The following GALE variants were observed in gnomAD, a reference collection of about 807,000 sequenced individuals.
GALE encodes the protein UDP-galactose-4-epimerase.
GALE carries 32 observed loss-of-function variants against 44.1 expected under a neutral mutation model. The ratio of observed to expected loss-of-function variants is 0.73; its 90% CI spans 0.55 to 0.97. The LOEUF is 0.97. Ranked by LOEUF, GALE falls within the 50% of genes least tolerant of loss-of-function variation. The pLI, the probability that GALE is intolerant of heterozygous loss-of-function variation, is 0.00. For missense variants in GALE, 423 were observed against 455.6 expected, an observed-to-expected ratio of 0.93 and a Z score of 0.65; for synonymous variants, 182 against 183.5, an observed-to-expected ratio of 0.99 and a Z score of 0.06.
At chr1:23,797,627 G>T in intron 6 of GALE, 68 bp downstream of exon 6, 1 of 1,479,898 alleles carries the variant, frequency 6.8e-7, no homozygotes. Flanking sequence ...TCCCACCCCT[G>T]GGCTCAGGGT....
In GALE at chr1:23,798,290, A is replaced by AGCCT; in HGVS notation, c.238-64_238-61dup. 1.6e-6 allele frequency: 2 copies of AGCCT among 1,214,530 alleles called. No homozygotes were observed. Among genetic ancestry groups the AGCCT allele is most frequent in the South Asian group, 1.2e-5 (1 of 82,916 alleles). 75.2% of individuals were successfully genotyped at this position (1,214,530 alleles called of 1,614,324 possible). A position where few individuals can be genotyped will look rare whatever the true frequency, so the allele number is the denominator to read the frequency against. ...GGTTTTAGTCCTTGGCAATGCCCTC[A>AGCCT]GCCTGCCTGCCTGCACTCACCTTTT... On this transcript the variant is annotated intron_variant, in intron 4 of 11. Transcript: ENST00000617979. The surrounding 1 kb of genome is among the most constrained non-coding windows in gnomAD (Gnocchi z 4.5).
At position 23,796,351 on chromosome 1, in the gene GALE, C is replaced by G; in HGVS notation, c.874-86G>C. The G allele has an allele frequency of 6.8e-7, 1 of 1,468,990 alleles. No individual in the cohort carries two copies. The highest frequency in any genetic ancestry group is 9.5e-7 in the Non-Finnish European group (1 of 1,050,116). The allele number at this position is 1,468,990 out of a possible 1,614,324, so 91.0% of individuals were successfully genotyped here. A position where few individuals can be genotyped will look rare whatever the true frequency, so the allele number is the denominator to read the frequency against. On this transcript the variant is annotated intron_variant, in intron 10 of 11. Transcript: ENST00000617979. The surrounding 1 kb of genome is among the most constrained non-coding windows in gnomAD (Gnocchi z 5.2). ...GTCTTTAAGAAGCAGAAGTGCAGAG[C>G]AGCGGCTGGCCCGCAGGCACCGGGT...
Position 23,795,614 on chromosome 1 carries a change from CTTG to C in GALE, c.*332_*334del, listed in dbSNP as rs989145746. 3 of 439,444 alleles carry C rather than the reference CTTG, an allele frequency of 6.8e-6. No homozygotes were observed. The highest frequency in any genetic ancestry group is 1.2e-5 in the Non-Finnish European group (3 of 242,270). The allele number at this position is 439,444 out of a possible 1,614,324, so 27.2% of individuals were successfully genotyped here. Reference sequence around the variant, plus strand: ...GAGAACCTGCCCCAGTGTAAGAAAACTTGTTTTTATTTTTAAATACTTTGGAAA... The same window carrying C: ...GAGAACCTGCCCCAGTGTAAGAAAACTTTTTATTTTTAAATACTTTGGAAA... On this transcript the variant is annotated 3_prime_UTR_variant, in exon 12 of 12. Transcript: ENST00000617979.
In GALE at chr1:23,797,746, C is replaced by T. The variant is rs775244681; in HGVS notation, c.477G>A (p.Lys159=). ...PTGGCTNPYG[K]SKFFIEEMIR... is the part of the protein sequence containing the mutation. ...TCATTTCCTCGATGAAGAACTTGGACTTGCCGTAAGGGTTGGTACAACCAC... is the reference window on the plus strand; with the variant it reads ...TCATTTCCTCGATGAAGAACTTGGATTTGCCGTAAGGGTTGGTACAACCAC... The change falls in exon 6 of 12, where the codon AAG becomes AAA. Residue 159 remains lysine (K), a synonymous_variant. Coordinates refer to ENST00000617979, the MANE Select transcript of GALE (RefSeq NM_001008216.2). 1.2e-5 allele frequency: 20 copies of T among 1,614,038 alleles called. No homozygotes were observed. The South Asian group carries it at 1.8e-4, about 14-fold the overall frequency.
At chr1:23,799,274 C>T (rs768821453) in intron 2 of GALE, 92 bp downstream of exon 2, 1 of 503,318 alleles carries the variant, frequency 2.0e-6, no homozygotes, top group Non-Finnish European at 3.6e-6. Flanking sequence ...CATGAGGCAG[C>T]GTGAGGGTTC....
At position 23,798,757 on chromosome 1, in the gene GALE, A is replaced by G; in HGVS notation, c.122-27T>C. ...TGGTAGGGTACATGTAGGCCACATC[A>G]TCACGACATGGGGTGCTGTGTTCCC... On this transcript the variant is annotated intron_variant, in intron 3 of 11. Coordinates refer to ENST00000617979, the MANE Select transcript of GALE (RefSeq NM_001008216.2). This position sits in a 1 kb window ranked among gnomAD's most constrained non-coding sequence, Gnocchi z 4.5. The G allele has an allele frequency of 5.0e-6, 8 of 1,609,268 alleles. No homozygotes were observed. Among genetic ancestry groups the G allele is most frequent in the Non-Finnish European group, 6.8e-6 (8 of 1,175,510 alleles).
rs1639051867 is a variant in GALE, at chr1:23,798,969, G to A, written c.39C>T (p.Tyr13=). Residue 13 remains tyrosine, a synonymous_variant, in exon 3 of 12, where the codon TAC becomes TAT. Coordinates refer to ENST00000617979, the MANE Select transcript of GALE (RefSeq NM_001008216.2). This position sits in a 1 kb window ranked among gnomAD's most constrained non-coding sequence, Gnocchi z 4.5. The stretch of plus-strand genomic sequence containing the variant: ...GCTCCAGCACCGTGTGGCTGCCAAT[G>A]TAGCCAGCCCCACCTGTTACCAGCA... The part of the protein sequence containing the change: ...EKVLVTGGAG[Y]IGSHTVLELL... 6.2e-7 allele frequency: 1 copy of A among 1,614,080 alleles called. No homozygotes were observed. The highest frequency in any genetic ancestry group is 1.7e-5 in the Admixed American group (1 of 60,008).
chr1:23,798,678 G>A lies in GALE; in HGVS notation c.174C>T (p.Arg58=), dbSNP rs1300967960. ...SLRRVQELTG[R]SVEFEEMDIL... is the part of the protein sequence containing the mutation. ...TGTCCATCTCCTCAAACTCCACAGA[G>A]CGGCCTGTCAGCTCCTGGACCCGCC... The change falls in exon 4 of 12, where the codon CGC becomes CGT. Residue 58 remains arginine (R), a synonymous_variant. Transcript: ENST00000617979. This position sits in a 1 kb window ranked among gnomAD's most constrained non-coding sequence, Gnocchi z 4.5. 1.2e-6 allele frequency: 2 copies of A among 1,613,848 alleles called. No homozygotes were observed.
Position 23,797,162 on chromosome 1 carries a change from T to C in GALE, c.529-15A>G. On this transcript the variant is annotated splice_polypyrimidine_tract_variant and intron_variant, in intron 6 of 11. Transcript: ENST00000617979. ...GCGTTCCAAGTCTGTGGGATGTGGGTCAGGTGGTGAGGCCAGAGGCACAGG... is the reference window on the plus strand; with the variant it reads ...GCGTTCCAAGTCTGTGGGATGTGGGCCAGGTGGTGAGGCCAGAGGCACAGG... The C allele has an allele frequency of 6.3e-7, 1 of 1,582,712 alleles. No homozygotes were observed.
At chr1:23,797,660 C>A (rs1002447220) in intron 6 of GALE, 35 bp downstream of exon 6, 4 of 1,605,518 alleles carry the variant, frequency 2.5e-6, no homozygotes, top group South Asian at 1.1e-5. Context: ...GTCCATCGAT[C>A]AGTGGAGCCA....
Position 23,798,162 on chromosome 1 carries a change from C to T in GALE, c.306G>A (p.Leu102=). The change falls in exon 5 of 12, where the codon CTG becomes CTA. Residue 102 remains leucine, a synonymous_variant. Transcript: ENST00000617979. This position sits in a 1 kb window ranked among gnomAD's most constrained non-coding sequence, Gnocchi z 4.5. Reference sequence around the variant, plus strand: ...CGGTCAGGTTAACTCTGTAATAATCCAGAGGCTTCTGCACCGACTCGCCCA... The same window carrying T: ...CGGTCAGGTTAACTCTGTAATAATCTAGAGGCTTCTGCACCGACTCGCCCA... ...KAVGESVQKP[L]DYYRVNLTGT... is the part of the protein sequence containing the mutation. 6.2e-7 allele frequency: 1 copy of T among 1,614,142 alleles called. No homozygotes were observed. Among genetic ancestry groups the T allele is most frequent in the Non-Finnish European group, 8.5e-7 (1 of 1,180,010 alleles).
Position 23,796,005 on chromosome 1 carries a change from C to T in GALE, c.991G>A (p.Glu331Lys). Residue 331 changes from glutamate to lysine, a missense_variant and splice_region_variant, in exon 12 of 12, where the codon GAG becomes AAG. Transcript: ENST00000617979. The surrounding 1 kb of genome is among the most constrained non-coding windows in gnomAD (Gnocchi z 5.2). ...TAALGLDRMC[E>K]DLWRWQKQNP... ...TGCTTCTGCCAGCGCCAGAGATCCT[C>T]ACCTGCAACACGGCGAGGTGTGTGC... The T allele has an allele frequency of 6.2e-7, 1 of 1,614,056 alleles. No homozygotes were observed. The highest frequency in any genetic ancestry group is 8.5e-7 in the Non-Finnish European group (1 of 1,179,982).
In GALE at chr1:23,796,534, G is replaced by T; in HGVS notation, c.848C>A (p.Ala283Asp). Residue 283 changes from alanine to aspartate, a missense_variant, in exon 10 of 12, where the codon GCT becomes GAT. Transcript: ENST00000617979. This position sits in a 1 kb window ranked among gnomAD's most constrained non-coding sequence, Gnocchi z 5.2. ...TGYSVLQMVQ[A>D]MEKASGKKIP... ...CTTCTTCCCAGAGGCCTTCTCCATAGCCTGGACCATCTGCAGCACTGAATA... is the reference window on the plus strand; with the variant it reads ...CTTCTTCCCAGAGGCCTTCTCCATATCCTGGACCATCTGCAGCACTGAATA... The T allele has an allele frequency of 1.9e-6, 3 of 1,613,834 alleles. No homozygotes were observed. Among genetic ancestry groups the T allele is most frequent in the Non-Finnish European group, 2.5e-6 (3 of 1,180,012 alleles).
Position 23,796,516 on chromosome 1 carries a change from C to G in GALE, c.866G>C (p.Gly289Ala). Reference sequence around the variant, plus strand: ...TGGGGCGGGGGGGCCTACCTTCTTCCCAGAGGCCTTCTCCATAGCCTGGAC... The same window carrying G: ...TGGGGCGGGGGGGCCTACCTTCTTCGCAGAGGCCTTCTCCATAGCCTGGAC... ...QMVQAMEKASGKKIPYKVVAR... is the reference protein window; with the variant it reads ...QMVQAMEKASAKKIPYKVVAR... The change falls in exon 10 of 12, where the codon GGG (glycine) becomes GCG (alanine). Residue 289 changes from glycine to alanine, a missense_variant. Gly to Ala is a moderately conservative substitution (Grantham distance 60). Transcript: ENST00000617979. This position sits in a 1 kb window ranked among gnomAD's most constrained non-coding sequence, Gnocchi z 5.2. 1 of 1,612,952 alleles carries G rather than the reference C, an allele frequency of 6.2e-7. No individual in the cohort carries two copies. The highest frequency in any genetic ancestry group is 8.5e-7 in the Non-Finnish European group (1 of 1,179,988).
chr1:23,796,020 G>A lies in GALE; in HGVS notation c.989-13C>T, dbSNP rs199622680. On this transcript the variant is annotated splice_polypyrimidine_tract_variant and intron_variant, in intron 11 of 11. Transcript: ENST00000617979. The surrounding 1 kb of genome is among the most constrained non-coding windows in gnomAD (Gnocchi z 5.2). Reference sequence around the variant, plus strand: ...CAGAGATCCTCACCTGCAACACGGCGAGGTGTGTGCTCAGGGCCCACGGTG... The same window carrying A: ...CAGAGATCCTCACCTGCAACACGGCAAGGTGTGTGCTCAGGGCCCACGGTG... 1.4e-4 allele frequency: 222 copies of A among 1,613,726 alleles called. 1 individual carries two copies. The East Asian group carries it at 1.8e-3, about 13-fold the overall frequency.
Position 23,796,023 on chromosome 1 carries a change from GT to G in GALE, c.989-17del, listed in dbSNP as rs2148408839. On this transcript the variant is annotated splice_polypyrimidine_tract_variant and intron_variant, in intron 11 of 11. Coordinates refer to ENST00000617979, the MANE Select transcript of GALE (RefSeq NM_001008216.2). The surrounding 1 kb of genome is among the most constrained non-coding windows in gnomAD (Gnocchi z 5.2). ...AGATCCTCACCTGCAACACGGCGAG[GT>G]GTGTGCTCAGGGCCCACGGTGGAAT... 6.2e-7 allele frequency: 1 copy of G among 1,613,812 alleles called. No homozygotes were observed. Among genetic ancestry groups the G allele is most frequent in the South Asian group, 1.1e-5 (1 of 91,022 alleles).
chr1:23,796,360 G>C lies in GALE; in HGVS notation c.874-95C>G. 1 of 1,444,826 alleles carries C rather than the reference G, an allele frequency of 6.9e-7. No individual in the cohort carries two copies. Among genetic ancestry groups the C allele is most frequent in the South Asian group, 1.1e-5 (1 of 87,022 alleles). The allele number at this position is 1,444,826 out of a possible 1,614,324, so 89.5% of individuals were successfully genotyped here. ...AAGCAGAAGTGCAGAGCAGCGGCTGGCCCGCAGGCACCGGGTGCTAGGCAG... is the reference window on the plus strand; with the variant it reads ...AAGCAGAAGTGCAGAGCAGCGGCTGCCCCGCAGGCACCGGGTGCTAGGCAG... On this transcript the variant is annotated intron_variant, in intron 10 of 11. Coordinates refer to ENST00000617979, the MANE Select transcript of GALE (RefSeq NM_001008216.2). The surrounding 1 kb of genome is among the most constrained non-coding windows in gnomAD (Gnocchi z 5.2).
In GALE at chr1:23,796,450, C is replaced by T. The variant is rs961681531; in HGVS notation, c.873+59G>A. 2 of 1,291,412 alleles carry T rather than the reference C, an allele frequency of 1.5e-6. No individual in the cohort carries two copies. The highest frequency in any genetic ancestry group is 4.6e-5 in the East Asian group (1 of 21,782). The allele number at this position is 1,291,412 out of a possible 1,614,324, so 80.0% of individuals were successfully genotyped here. A position where few individuals can be genotyped will look rare whatever the true frequency, so the allele number is the denominator to read the frequency against. On this transcript the variant is annotated intron_variant, in intron 10 of 11. Coordinates refer to ENST00000617979, the MANE Select transcript of GALE (RefSeq NM_001008216.2). This position sits in a 1 kb window ranked among gnomAD's most constrained non-coding sequence, Gnocchi z 5.2. ...GTGAGTGGGAAGGGCCAAAGCTGCT[C>T]TGTTGCTGAGAGCTGGGTGGGGTGA...
In GALE at chr1:23,798,302, T is replaced by C; in HGVS notation, c.238-72A>G. On this transcript the variant is annotated intron_variant, in intron 4 of 11. Transcript: ENST00000617979. This position sits in a 1 kb window ranked among gnomAD's most constrained non-coding sequence, Gnocchi z 4.5. ...TGGCAATGCCCTCAGCCTGCCTGCC[T>C]GCACTCACCTTTTTTTTTTTTTTTG... 1.9e-6 allele frequency: 2 copies of C among 1,032,582 alleles called. No individual in the cohort carries two copies. The highest frequency in any genetic ancestry group is 2.9e-6 in the Non-Finnish European group (2 of 681,696). 64.0% of individuals were successfully genotyped at this position (1,032,582 alleles called of 1,614,324 possible). A position where few individuals can be genotyped will look rare whatever the true frequency, so the allele number is the denominator to read the frequency against.
Sources: allele counts gnomAD v4.1 joint callset, GRCh38; gene constraint gnomAD v4.1.1; non-coding constraint Gnocchi (gnomAD v3.1); transcripts MANE v1.5; gene names NCBI Gene and HGNC (gene_info 2026-07-23, HGNC 2026-07-21).